KCND3: variants seen among roughly 807,000 people sequenced by gnomAD.
KCND3 encodes A-type voltage-gated potassium channel KCND3.
Under a neutral mutation model 51.1 loss-of-function variants are expected in KCND3, and 9 were observed. The observed-to-expected ratio is 0.18, with a 90% CI of 0.11 to 0.31. KCND3 has a LOEUF of 0.31. Among genes scored for constraint, KCND3 ranks in the 10% least tolerant of loss-of-function variants. The pLI, the probability that KCND3 is intolerant of heterozygous loss-of-function variation, is 1.00. For missense variants in KCND3, 526 were observed against 903.8 expected (o/e 0.58, Z 5.36); for synonymous variants, 349 against 368.0 (o/e 0.95, Z 0.59).
intron 2 of KCND3, among the ~76,000 whole-genome samples, chr1:111,803,017 A>C (rs775870589): frequency 6.6e-6 from 1 of 152,192 alleles, no homozygotes; most frequent in Non-Finnish European, 1.5e-5. Context: ...TGGGGTGAGG[A>C]GGCTCCTCCT....
In KCND3 at chr1:111,982,124, C is replaced by A. The variant is rs766111219; in HGVS notation, c.603G>T (p.Val201=). The A allele has an allele frequency of 6.2e-7, 1 of 1,613,912 alleles. No individual in the cohort carries two copies. Among genetic ancestry groups the A allele is most frequent in the Non-Finnish European group, 8.5e-7 (1 of 1,180,008 alleles). The change falls in exon 2 of 8, where the codon GTG becomes GTT. Residue 201 remains valine, a synonymous_variant. Coordinates refer to ENST00000302127, the MANE Select transcript of KCND3 (RefSeq NM_001378969.1). The surrounding 1 kb of genome is among the most constrained non-coding windows in gnomAD (Gnocchi z 8.5). ...FFIAVSVITN[V]VETVPCGTVP... is the part of the protein sequence containing the mutation. ...CCGTGCCGCACGGCACCGTCTCCAC[C>A]ACGTTGGTGATGACCGAGACAGCGA... is the stretch of plus-strand genomic sequence containing the variant.
chr1:111,940,073 G>GTTTT (rs61088602), intron 2 of KCND3, among the ~76,000 whole-genome samples: 16,833 of 84,286 alleles, frequency 0.2, 1,747 homozygotes, highest in Non-Finnish European at 0.23. Context: ...CTTTTTGATG[G>GTTTT]TTTTTTTTTT....
At chr1:111,812,216 CT>C (rs1225730590) in intron 2 of KCND3, among the ~76,000 whole-genome samples, 2 of 152,228 alleles carry the variant, frequency 1.3e-5, no homozygotes, top group Non-Finnish European at 2.9e-5. Context: ...GGAAGGCCAA[CT>C]CCCCGGCTCC....
Position 111,875,791 on chromosome 1 carries a change from C to A in KCND3, c.1107-88685G>T. Reference sequence around the variant, plus strand: ...AGAGAAACTAGAATTCCATTCTTTCCGCTAAGGAAAACCATTAGACCTGCA... The same window carrying A: ...AGAGAAACTAGAATTCCATTCTTTCAGCTAAGGAAAACCATTAGACCTGCA... On this transcript the variant is annotated intron_variant, in intron 2 of 7. Coordinates refer to ENST00000302127, the MANE Select transcript of KCND3 (RefSeq NM_001378969.1). 2.0e-5 allele frequency among the ~76,000 whole-genome samples: 3 copies of A among 152,350 alleles called. No individual in the cohort carries two copies. In the South Asian group the frequency reaches 6.2e-4, roughly 32 times the overall value.
intron 2 of KCND3, among the ~76,000 whole-genome samples, chr1:111,946,795 C>A (rs1390931894): frequency 1.3e-5 from 2 of 152,202 alleles, no homozygotes; most frequent in Non-Finnish European, 1.5e-5. Flanking sequence ...GGGGGCCCCA[C>A]TGGGTAGGCA....
chr1:111,983,919 T>C (rs1237501462), intron 1 of KCND3, among the ~76,000 whole-genome samples: 9 of 152,344 alleles, frequency 5.9e-5, no homozygotes, highest in Non-Finnish European at 1.0e-4. Context: ...CAAATCTGGC[T>C]TTTTAAAGAT....
intron 2 of KCND3, among the ~76,000 whole-genome samples, chr1:111,962,736 A>G (rs906687796): frequency 5.9e-5 from 9 of 152,202 alleles, no homozygotes; most frequent in African/African-American, 2.2e-4. Context: ...AATGGCCACC[A>G]ACTCTTTTCA....
chr1:111,795,289 G>A (rs977238849), intron 2 of KCND3, among the ~76,000 whole-genome samples: 1 of 152,208 alleles, frequency 6.6e-6, no homozygotes, highest in Non-Finnish European at 1.5e-5. Flanking sequence ...GAACCAAAAA[G>A]ATAGGATGGC....
rs552152 is a variant in KCND3 at position 111,810,010 on chromosome 1, T to C, written c.1107-22904A>G. Among the ~76,000 whole-genome samples, 1,453 of 152,308 alleles carry C rather than the reference T, an allele frequency of 9.5e-3. 32 individuals are homozygous for C. Among genetic ancestry groups the C allele is most frequent in the African/African-American group, 0.033 (1,377 of 41,552 alleles). ...CCAGAAATTTCAAGCAAGAAGCTGC[T>C]TCCTGGTCCAGCATCACCCAATGTG... On this transcript the variant is annotated intron_variant, in intron 2 of 7. Coordinates refer to ENST00000302127, the MANE Select transcript of KCND3 (RefSeq NM_001378969.1).
intron 2 of KCND3, among the ~76,000 whole-genome samples, chr1:111,807,651 G>A (rs1665637833): frequency 6.6e-6 from 1 of 152,160 alleles, no homozygotes; most frequent in Non-Finnish European, 1.5e-5. Context: ...ATTCCAACCT[G>A]GGCGACAGAG....
chr1:111,915,725 C>T (rs1671174404), intron 2 of KCND3, among the ~76,000 whole-genome samples: 1 of 140,362 alleles, frequency 7.1e-6, no homozygotes, highest in Non-Finnish European at 1.5e-5. Context: ...TGCACTCCAG[C>T]CTGGGTGACA....
At chr1:111,778,341 T>A in intron 6 of KCND3, 95 bp downstream of exon 6, 1 of 1,141,062 alleles carries the variant, frequency 8.8e-7, no homozygotes, top group African/African-American at 1.5e-5. Flanking sequence ...CAGCAGCACA[T>A]GCACAGAACC....
At chr1:111,914,120 A>T (rs1364566313) in intron 2 of KCND3, among the ~76,000 whole-genome samples, 6 of 152,066 alleles carry the variant, frequency 3.9e-5, no homozygotes, top group Non-Finnish European at 8.8e-5. Flanking sequence ...GAAGATAGAA[A>T]AGTGACCCCA....
intron 2 of KCND3, among the ~76,000 whole-genome samples, chr1:111,839,552 C>T (rs568809484): frequency 2.0e-5 from 3 of 152,368 alleles, no homozygotes; most frequent in Admixed American, 2.0e-4. Flanking sequence ...CCACTAAAAG[C>T]TAACCTTTAT....
chr1:111,940,073 G>GTTTTTTTTTTTTTTTTTTTTT lies in KCND3; in HGVS notation c.1106+41527_1106+41547dup, dbSNP rs61088602. Among the ~76,000 whole-genome samples the GTTTTTTTTTTTTTTTTTTTTT allele has an allele frequency of 9.8e-4, 84 of 85,454 alleles. 1 individual carries two copies. The highest frequency in any genetic ancestry group is 1.4e-3 in the African/African-American group (28 of 19,538). 56.1% of individuals were successfully genotyped at this position (85,454 alleles called of 152,430 possible). ...TATATCCTTCGCCTACTTTTTGATG[G>GTTTTTTTTTTTTTTTTTTTTT]TTTTTTTTTTTTTTTTTTTTTTTGT... On this transcript the variant is annotated intron_variant, in intron 2 of 7. Transcript: ENST00000302127.
chr1:111,940,643 G>A (rs1426676018), intron 2 of KCND3, among the ~76,000 whole-genome samples: 1 of 152,082 alleles, frequency 6.6e-6, no homozygotes, highest in Admixed American at 6.6e-5. Context: ...CCCACAAGGT[G>A]ATTTATTGTC....
At chr1:111,843,196 G>A (rs1216420220) in intron 2 of KCND3, among the ~76,000 whole-genome samples, 2 of 152,172 alleles carry the variant, frequency 1.3e-5, no homozygotes, top group Non-Finnish European at 2.9e-5. Context: ...AGTCTCCGGA[G>A]TTTGGGGTTT....
chr1:111,836,338 C>A (rs1234223876), intron 2 of KCND3, among the ~76,000 whole-genome samples: 2 of 152,232 alleles, frequency 1.3e-5, no homozygotes, highest in Non-Finnish European at 1.5e-5. Context: ...GGCAATGACT[C>A]CCCGTCTCTC....
intron 2 of KCND3, among the ~76,000 whole-genome samples, chr1:111,943,487 G>A (rs1282666230): frequency 2.0e-5 from 3 of 152,202 alleles, no homozygotes; most frequent in African/African-American, 7.2e-5. Flanking sequence ...GTCCAGAGAG[G>A]GCGAGTGACT....
Sources: gnomAD v4.1 joint callset for allele counts (sites outside exome capture counted in the v4.1 genomes callset) on GRCh38, gnomAD v4.1.1 for gene constraint, Gnocchi (gnomAD v3.1) non-coding constraint, MANE v1.5 for transcripts, NCBI Gene and HGNC (gene_info 2026-07-23, HGNC 2026-07-21) for gene names.